ROCK2: variants seen among roughly 807,000 people sequenced by gnomAD.
ROCK2 encodes rho-associated protein kinase 2.
Under a neutral mutation model 195.1 loss-of-function variants are expected in ROCK2, and 61 were observed. The ratio of observed to expected loss-of-function variants is 0.31; its 90% CI spans 0.25 to 0.39. ROCK2 has a LOEUF of 0.39. Among genes scored for constraint, ROCK2 ranks in the 10% least tolerant of loss-of-function variants. The probability of loss-of-function intolerance (pLI) is 1.00; values close to 1 mark genes in which losing one functional copy is unlikely to be tolerated. For synonymous variants in ROCK2, 504 were observed against 545.5 expected (o/e 0.92, Z 1.06); for missense variants, 1,109 against 1,637.4 (o/e 0.68, Z 5.57).
At position 11,202,080 on chromosome 2, in the gene ROCK2, T is replaced by C; in HGVS notation, c.2591A>G (p.Asp864Gly). The C allele has an allele frequency of 6.2e-7, 1 of 1,613,956 alleles. No homozygotes were observed. The highest frequency in any genetic ancestry group is 8.5e-7 in the Non-Finnish European group (1 of 1,179,924). ...DADGQMKELQ[D>G]QLEAEQYFST... Reference sequence around the variant, plus strand: ...GAAATACTGTTCTGCTTCGAGCTGATCCTGGAGCTCTTTCATTTGCCCATC... The same window carrying C: ...GAAATACTGTTCTGCTTCGAGCTGACCCTGGAGCTCTTTCATTTGCCCATC... Residue 864 changes from aspartate to glycine, a missense_variant, in exon 21 of 33, where the codon GAT becomes GGT. By Grantham distance (94) the Asp-to-Gly change is moderately conservative. This residue lies in a region of ROCK2 where 542 missense variants were observed against 672.0 expected (regional missense o/e 0.81). Coordinates refer to ENST00000315872, the MANE Select transcript of ROCK2 (RefSeq NM_004850.5).
At position 11,197,113 on chromosome 2, in the gene ROCK2, G is replaced by T; in HGVS notation, c.3448+67C>A. On this transcript the variant is annotated intron_variant, in intron 27 of 32. Coordinates refer to ENST00000315872, the MANE Select transcript of ROCK2 (RefSeq NM_004850.5). This position sits in a 1 kb window ranked among gnomAD's most constrained non-coding sequence, Gnocchi z 4.9. ...CATTTTTCCTTCAGAGCAGTCAGTC[G>T]CAAGACTTAAAACAATCAACTGATT... 3 of 1,157,346 alleles carry T rather than the reference G, an allele frequency of 2.6e-6. No homozygotes were observed. Among genetic ancestry groups the T allele is most frequent in the Admixed American group, 2.7e-5 (1 of 36,690 alleles). 71.7% of individuals were successfully genotyped at this position (1,157,346 alleles called of 1,614,324 possible). A position where few individuals can be genotyped will look rare whatever the true frequency, so the allele number is the denominator to read the frequency against.
chr2:11,321,300 C>A (rs1572405560), intron 1 of ROCK2, among the ~76,000 whole-genome samples: 1 of 152,000 alleles, frequency 6.6e-6, no homozygotes, highest in Admixed American at 6.5e-5. Context: ...CTCAGCCTCC[C>A]GAGTAGCTGG....
intron 3 of ROCK2, 73 bp from the exon 4 acceptor site, chr2:11,249,871 T>A: frequency 1.6e-6 from 2 of 1,215,026 alleles, no homozygotes; most frequent in Non-Finnish European, 2.2e-6. Context: ...GATACTATAA[T>A]GCTATTATTA....
At chr2:11,200,675 C>A (rs1157733683) in intron 23 of ROCK2, among the ~76,000 whole-genome samples, 2 of 151,912 alleles carry the variant, frequency 1.3e-5, no homozygotes, top group Non-Finnish European at 2.9e-5. Context: ...GAACTGTTTT[C>A]CTGGTAGTTT....
intron 7 of ROCK2, among the ~76,000 whole-genome samples, chr2:11,223,316 C>T (rs191839841): frequency 5.3e-5 from 8 of 152,182 alleles, no homozygotes; most frequent in South Asian, 2.1e-4. Flanking sequence ...TTCAGTTTGA[C>T]GAGAAGAAAA....
chr2:11,247,214 T>G (rs1258248380), intron 4 of ROCK2, among the ~76,000 whole-genome samples: 1 of 151,492 alleles, frequency 6.6e-6, no homozygotes, highest in African/African-American at 2.4e-5. Context: ...GCAGGTGGAA[T>G]TGGGGGAATA....
intron 4 of ROCK2, among the ~76,000 whole-genome samples, chr2:11,243,579 A>C (rs748604857): frequency 3.4e-4 from 52 of 152,284 alleles, no homozygotes; most frequent in Middle Eastern, 3.4e-3. Context: ...TTTCTCCCAA[A>C]AACCCATAAC....
intron 20 of ROCK2, among the ~76,000 whole-genome samples, chr2:11,207,339 A>C (rs1664088657): frequency 6.6e-6 from 1 of 152,242 alleles, no homozygotes; most frequent in Non-Finnish European, 1.5e-5. Context: ...ACATGATTAA[A>C]AATTTACATG....
At chr2:11,194,369 T>C in intron 28 of ROCK2, 25 bp from the exon 29 acceptor site, 1 of 1,033,842 alleles carries the variant, frequency 9.7e-7, no homozygotes, top group Non-Finnish European at 1.4e-6. Context: ...AGAAAAGAAA[T>C]CAGTAATTCA....
intron 1 of ROCK2, among the ~76,000 whole-genome samples, chr2:11,305,493 A>G (rs1261090960): frequency 2.6e-5 from 4 of 151,886 alleles, no homozygotes; most frequent in Non-Finnish European, 4.4e-5. Flanking sequence ...GTGCATGCAC[A>G]TGCTTCCTGG....
At position 11,249,642 on chromosome 2, in the gene ROCK2, T is replaced by C; in HGVS notation, c.462+19A>G. On this transcript the variant is annotated intron_variant, in intron 4 of 32. Coordinates refer to ENST00000315872, the MANE Select transcript of ROCK2 (RefSeq NM_004850.5). ...CTCATAAAAAAAGGAAATAAACTTATAAAAGTTAGTATGCTTACCTGAACC... is the reference window on the plus strand; with the variant it reads ...CTCATAAAAAAAGGAAATAAACTTACAAAAGTTAGTATGCTTACCTGAACC... 1.4e-6 allele frequency: 2 copies of C among 1,442,046 alleles called. No individual in the cohort carries two copies. Among genetic ancestry groups the C allele is most frequent in the Admixed American group, 2.7e-5 (1 of 37,368 alleles). The allele number at this position is 1,442,046 out of a possible 1,614,324, so 89.3% of individuals were successfully genotyped here.
rs140500127 is a variant in ROCK2, at chr2:11,309,670, T to C, written c.142-21934A>G. 7.0e-3 allele frequency among the ~76,000 whole-genome samples: 1,073 copies of C among 152,292 alleles called. 16 individuals are homozygous for C. Among genetic ancestry groups the C allele is most frequent in the African/African-American group, 0.025 (1,021 of 41,558 alleles). ...AAAATGTAGTTTAATGTTCCTAATA[T>C]GAAACCAATCAATTACTGTATTACA... On this transcript the variant is annotated intron_variant, in intron 1 of 32. Coordinates refer to ENST00000315872, the MANE Select transcript of ROCK2 (RefSeq NM_004850.5).
In ROCK2 at chr2:11,235,983, GA is replaced by G. The variant is rs1206733597; in HGVS notation, c.463-22del. Reference sequence around the variant, plus strand: ...AAAAGCTGGAAAACAAAAGGAAAAGGAAAAATTTTTAAAAACCCAAACCAAA... The same window carrying G: ...AAAAGCTGGAAAACAAAAGGAAAAGGAAAATTTTTAAAAACCCAAACCAAA... On this transcript the variant is annotated intron_variant, in intron 4 of 32. Transcript: ENST00000315872. The surrounding 1 kb of genome is among the most constrained non-coding windows in gnomAD (Gnocchi z 4.2). 7.1e-7 allele frequency: 1 copy of G among 1,411,908 alleles called. No individual in the cohort carries two copies. The highest frequency in any genetic ancestry group is 1.9e-5 in the South Asian group (1 of 51,380). The allele number at this position is 1,411,908 out of a possible 1,614,324, so 87.5% of individuals were successfully genotyped here. A position where few individuals can be genotyped will look rare whatever the true frequency, so the allele number is the denominator to read the frequency against.
At chr2:11,321,146 C>A (rs925886824) in intron 1 of ROCK2, among the ~76,000 whole-genome samples, 12 of 152,036 alleles carry the variant, frequency 7.9e-5, no homozygotes, top group Non-Finnish European at 7.4e-5. Context: ...TGCTCTTTAC[C>A]GGCATAACAA....
At chr2:11,214,766 C>T in intron 16 of ROCK2, 74 bp downstream of exon 16, 2 of 1,343,686 alleles carry the variant, frequency 1.5e-6, no homozygotes, top group Non-Finnish European at 2.0e-6. Flanking sequence ...ATCCAGCACA[C>T]TATCCATCAT....
At position 11,215,029 on chromosome 2, in the gene ROCK2, T is replaced by G; in HGVS notation, c.1747A>C (p.Lys583Gln). The G allele has an allele frequency of 6.2e-7, 1 of 1,614,114 alleles. No homozygotes were observed. The highest frequency in any genetic ancestry group is 8.5e-7 in the Non-Finnish European group (1 of 1,180,004). The change falls in exon 16 of 33, where the codon AAA becomes CAA. Residue 583 changes from lysine to glutamine, a missense_variant. By Grantham distance (53) the Lys-to-Gln change is moderately conservative. Transcript: ENST00000315872. ...TESDTAARLR[K>Q]TQAESSKQIQ... The stretch of plus-strand genomic sequence containing the variant: ...TGTTTTGAACTTTCTGCCTGGGTTT[T>G]CCTTAACCGGGCTGCAGTATCAGAC...
In ROCK2 at chr2:11,344,446, C is replaced by T. The variant is rs1269114691; in HGVS notation, c.-310G>A. ...CTCAGCGAGTGCCCGCAGGAGTCCT[C>T]GGGCGGGAGCAGGGAAGTGGCGCCG... is the stretch of plus-strand genomic sequence containing the variant. On this transcript the variant is annotated 5_prime_UTR_variant, in exon 1 of 33. Transcript: ENST00000315872. The surrounding 1 kb of genome is among the most constrained non-coding windows in gnomAD (Gnocchi z 5.4). The T allele has an allele frequency of 1.9e-6, 2 of 1,029,366 alleles. No individual in the cohort carries two copies. The highest frequency in any genetic ancestry group is 9.2e-5 in the South Asian group (2 of 21,702). 63.8% of individuals were successfully genotyped at this position (1,029,366 alleles called of 1,614,324 possible). A position where few individuals can be genotyped will look rare whatever the true frequency, so the allele number is the denominator to read the frequency against.
At position 11,197,795 on chromosome 2, in the gene ROCK2, C is replaced by T. The variant is rs1336585043; in HGVS notation, c.3100-90G>A. ...ATCTCATCAAGAGCAACAAGTTATA[C>T]AATCACAAATACTCTCCTTCCCTAC... On this transcript the variant is annotated intron_variant, in intron 25 of 32. Transcript: ENST00000315872. This position sits in a 1 kb window ranked among gnomAD's most constrained non-coding sequence, Gnocchi z 4.9. 4.8e-6 allele frequency: 4 copies of T among 829,200 alleles called. No homozygotes were observed. Among genetic ancestry groups the T allele is most frequent in the Non-Finnish European group, 6.8e-6 (4 of 590,974 alleles). The allele number at this position is 829,200 out of a possible 1,614,324, so 51.4% of individuals were successfully genotyped here.
At chr2:11,221,831 A>G (rs1400296465) in intron 8 of ROCK2, among the ~76,000 whole-genome samples, 1 of 152,214 alleles carries the variant, frequency 6.6e-6, no homozygotes. Context: ...AGATCTACAA[A>G]GCTTAACTTG....
Sources: gnomAD v4.1 joint callset for allele counts (sites outside exome capture counted in the v4.1 genomes callset) on GRCh38, gnomAD v4.1.1 for gene constraint, gnomAD v4.1.1 regional missense constraint, Gnocchi (gnomAD v3.1) non-coding constraint, MANE v1.5 for transcripts, NCBI Gene and HGNC (gene_info 2026-07-23, HGNC 2026-07-21) for gene names.